POGLUT2: variants seen among roughly 807,000 people sequenced by gnomAD.
The protein encoded by POGLUT2 is ER protein 58.
POGLUT2 carries 47 observed loss-of-function variants against 57.6 expected under a neutral mutation model. That is an observed-to-expected ratio of 0.82 (90% confidence interval 0.65 to 1.04). The LOEUF is 1.04. Among genes scored for constraint, POGLUT2 ranks in the 50% least tolerant of loss-of-function variants. The pLI, the probability that POGLUT2 is intolerant of heterozygous loss-of-function variation, is 0.00. For synonymous variants in POGLUT2, 200 were observed against 218.8 expected (o/e 0.91, Z 0.76); for missense variants, 565 against 614.8 (o/e 0.92, Z 0.86).
chr13:102,787,702 CT>C, intron 8 of POGLUT2, 131 bp downstream of exon 8: 2 of 445,710 alleles, frequency 4.5e-6, no homozygotes, highest in Non-Finnish European at 3.9e-6. Flanking sequence ...ATATTTGTCT[CT>C]GATTTTCATC....
At position 102,787,453 on chromosome 13, in the gene POGLUT2, T is replaced by C. The variant is rs185428684; in HGVS notation, c.1383+381A>G. 3.1e-3 allele frequency among the ~76,000 whole-genome samples: 473 copies of C among 152,268 alleles called. 5 individuals are homozygous for C. The highest frequency in any genetic ancestry group is 0.011 in the African/African-American group (447 of 41,560). ...AATTTCCAAGGGAAGTCATGGCTCA[T>C]ACAGAGTCAAGACAAGAGGCCCAAA... On this transcript the variant is annotated intron_variant, in intron 8 of 9. Transcript: ENST00000376004.
Position 102,798,888 on chromosome 13 carries a change from C to T in POGLUT2, c.-218G>A, listed in dbSNP as rs994694613. 7.8e-5 allele frequency: 38 copies of T among 487,512 alleles called. No individual in the cohort carries two copies. In the South Asian group the frequency reaches 1.3e-3, roughly 16 times the overall value. The allele number at this position is 487,512 out of a possible 1,614,324, so 30.2% of individuals were successfully genotyped here. A position where few individuals can be genotyped will look rare whatever the true frequency, so the allele number is the denominator to read the frequency against. ...GCGCGCCCAGGTGAGGGTCCCCTGG[C>T]GTTCTGCTGTCCCGGCCGAGAACCG... is the stretch of plus-strand genomic sequence containing the variant. On this transcript the variant is annotated 5_prime_UTR_variant, in exon 1 of 10. Coordinates refer to ENST00000376004, the MANE Select transcript of POGLUT2 (RefSeq NM_024089.3).
At chr13:102,787,262 G>C (rs1877986214) in intron 8 of POGLUT2, among the ~76,000 whole-genome samples, 1 of 152,044 alleles carries the variant, frequency 6.6e-6, no homozygotes, top group Non-Finnish European at 1.5e-5. Flanking sequence ...GGCCAGGCTG[G>C]TATCAAACTC....
At chr13:102,790,316 C>T (rs1356449552) in intron 6 of POGLUT2, among the ~76,000 whole-genome samples, 1 of 152,208 alleles carries the variant, frequency 6.6e-6, no homozygotes, top group East Asian at 1.9e-4. Context: ...ACCTCTCTCT[C>T]TACCATGGGG....
chr13:102,791,171 A>G lies in POGLUT2; in HGVS notation c.846-33T>C, dbSNP rs370288293. ...ACAAAGTGCAACAGATTTTCCTCCC[A>G]AATCATCATATCACAAAGGTTGTTG... On this transcript the variant is annotated intron_variant, in intron 5 of 9. Transcript: ENST00000376004. 2.3e-5 allele frequency: 37 copies of G among 1,609,318 alleles called. No individual in the cohort carries two copies. The African/African-American group carries it at 3.9e-4, about 17-fold the overall frequency.
At chr13:102,788,155 C>T (rs1401861043) in intron 7 of POGLUT2, among the ~76,000 whole-genome samples, 1 of 152,222 alleles carries the variant, frequency 6.6e-6, no homozygotes, top group Non-Finnish European at 1.5e-5. Flanking sequence ...TAGAACTAAG[C>T]CTCTCCTGGA....
chr13:102,785,964 T>C (rs1877924172), intron 9 of POGLUT2, among the ~76,000 whole-genome samples: 1 of 152,198 alleles, frequency 6.6e-6, no homozygotes, highest in Non-Finnish European at 1.5e-5. Flanking sequence ...TCCATTCAAA[T>C]AGGGTGTGAG....
chr13:102,786,177 T>G (rs1452507171), intron 9 of POGLUT2, 55 bp downstream of exon 9: 2 of 1,153,348 alleles, frequency 1.7e-6, no homozygotes, highest in African/African-American at 3.1e-5. Context: ...AAAAGCAAGT[T>G]TGGATCAATG....
chr13:102,793,474 T>C, intron 3 of POGLUT2, 56 bp from the exon 4 acceptor site: 26 of 1,343,940 alleles, frequency 1.9e-5, no homozygotes, highest in Non-Finnish European at 2.8e-5. Flanking sequence ...CAGACTTCAC[T>C]GAGGAAAAGC....
Position 102,789,158 on chromosome 13 carries a change from C to G in POGLUT2, c.1147G>C (p.Gly383Arg), listed in dbSNP as rs1228614808. 2 of 1,614,126 alleles carry G rather than the reference C, an allele frequency of 1.2e-6. No homozygotes were observed. Among genetic ancestry groups the G allele is most frequent in the Non-Finnish European group, 8.5e-7 (1 of 1,179,988 alleles). ...TCCTGCTTCAGCACAACACTGTCAC[C>G]AACTAGCAAATATGGCAGGCGATAA... ...AAYRLPYLLV[G>R]DSVVLKQDSI... The change falls in exon 7 of 10, where the codon GGT becomes CGT. Residue 383 changes from glycine to arginine, a missense_variant. Gly to Arg is a moderately radical substitution (Grantham distance 125, BLOSUM62 -2). Coordinates refer to ENST00000376004, the MANE Select transcript of POGLUT2 (RefSeq NM_024089.3).
At chr13:102,796,698 AAATATAT>A (rs1878408143) in intron 2 of POGLUT2, 99 bp downstream of exon 2, 389 of 130,796 alleles carry the variant, frequency 3.0e-3, no homozygotes, top group Middle Eastern at 0.021. Flanking sequence ...AAAAAAAAAA[AAATATAT>A]ATATATATAT....
Position 102,791,103 on chromosome 13 carries a change from G to C in POGLUT2, c.881C>G (p.Thr294Arg). The part of the protein sequence containing the change: ...SLDMMSVQAN[T>R]GPPWESKNST... ...ATTTTTGCTTTCCCAGGGAGGACCC[G>C]TGTTAGCTTGCACGGACATCATATC... The change falls in exon 6 of 10, where the codon ACG becomes AGG. Residue 294 changes from threonine (T) to arginine (R), a missense_variant. Thr to Arg is a moderately conservative substitution (Grantham distance 71). Transcript: ENST00000376004. 6.2e-7 allele frequency: 1 copy of C among 1,614,136 alleles called. No homozygotes were observed. Among genetic ancestry groups the C allele is most frequent in the Non-Finnish European group, 8.5e-7 (1 of 1,180,006 alleles).
intron 8 of POGLUT2, 57 bp from the exon 9 acceptor site, chr13:102,786,396 G>A: frequency 9.4e-7 from 1 of 1,062,344 alleles, no homozygotes; most frequent in Non-Finnish European, 1.5e-6. Flanking sequence ...TCCACCCAAT[G>A]AGAGAGGCTA....
intron 7 of POGLUT2, 40 bp from the exon 8 acceptor site, chr13:102,787,963 A>G: frequency 7.5e-7 from 1 of 1,326,480 alleles, no homozygotes; most frequent in South Asian, 1.3e-5. Context: ...AATAGAATCC[A>G]TTTTTCCCAT....
chr13:102,796,317 T>TAA (rs1878387192), intron 2 of POGLUT2, among the ~76,000 whole-genome samples: 2 of 135,230 alleles, frequency 1.5e-5, no homozygotes, highest in African/African-American at 2.8e-5. Flanking sequence ...AAAAAATAAA[T>TAA]AAATAAATAA....
At chr13:102,795,284 T>C (rs1283722199) in intron 2 of POGLUT2, among the ~76,000 whole-genome samples, 1 of 144,016 alleles carries the variant, frequency 6.9e-6, no homozygotes, top group Non-Finnish European at 1.5e-5. Context: ...CAAAAGTAGC[T>C]GGGTACAGTG....
chr13:102,787,040 T>G (rs530477486), intron 8 of POGLUT2, among the ~76,000 whole-genome samples: 13 of 152,178 alleles, frequency 8.5e-5, no homozygotes, highest in Non-Finnish European at 1.0e-4. Context: ...TTTTGTTTTT[T>G]TTTTTTTGTT....
chr13:102,798,539 G>T lies in POGLUT2; in HGVS notation c.132C>A (p.Val44=), dbSNP rs1490491484. Residue 44 remains valine (V), a synonymous_variant, in exon 1 of 10, where the codon GTC becomes GTA. Transcript: ENST00000376004. ...GAATATAGAAATAGCGGGCGGGAAGGACGACGTCTGCTTTTAGCCCGGGTC... is the reference window on the plus strand; with the variant it reads ...GAATATAGAAATAGCGGGCGGGAAGTACGACGTCTGCTTTTAGCCCGGGTC... ...IWGPGLKADV[V]LPARYFYIQA... is the part of the protein sequence containing the mutation. 1 of 1,612,764 alleles carries T rather than the reference G, an allele frequency of 6.2e-7. No homozygotes were observed.
chr13:102,792,296 G>A (rs185936175), intron 4 of POGLUT2, among the ~76,000 whole-genome samples: 234 of 152,280 alleles, frequency 1.5e-3, no homozygotes, highest in African/African-American at 5.3e-3. Context: ...TGTTGGTAGA[G>A]TCTTTCACAT....
Sources: gnomAD v4.1 joint callset for allele counts (sites outside exome capture counted in the v4.1 genomes callset) on GRCh38, gnomAD v4.1.1 for gene constraint, MANE v1.5 for transcripts, NCBI Gene and HGNC (gene_info 2026-07-23, HGNC 2026-07-21) for gene names.